The following NTM variants were observed in gnomAD, a reference collection of about 807,000 sequenced individuals.
The protein encoded by NTM is IgLON family member 2.
Under a neutral mutation model 42.1 loss-of-function variants are expected in NTM, and 13 were observed. The ratio of observed to expected loss-of-function variants is 0.31; its 90% CI spans 0.20 to 0.49. The LOEUF (loss-of-function observed/expected upper bound fraction) is 0.49. Ranked by LOEUF, NTM falls within the 20% of genes least tolerant of loss-of-function variation. The pLI, the probability that NTM is intolerant of heterozygous loss-of-function variation, is 0.99. For missense variants in NTM, 373 were observed against 452.8 expected, an observed-to-expected ratio of 0.82 and a Z score of 1.60; for synonymous variants, 187 against 179.2, an observed-to-expected ratio of 1.04 and a Z score of -0.35.
intron 1 of NTM, among the ~76,000 whole-genome samples, chr11:131,453,998 C>T (rs1038723466): frequency 2.0e-5 from 3 of 152,198 alleles, no homozygotes; most frequent in Admixed American, 6.5e-5. Context: ...CATCAAACAT[C>T]GCTCCCAGTC....
intron 3 of NTM, among the ~76,000 whole-genome samples, chr11:132,203,454 C>T (rs1256920803): frequency 1.3e-5 from 2 of 152,108 alleles, no homozygotes; most frequent in Admixed American, 1.3e-4. Flanking sequence ...ACTTATACAG[C>T]TAGTAACTGT....
intron 1 of NTM, among the ~76,000 whole-genome samples, chr11:131,841,808 G>A (rs2044292769): frequency 6.6e-6 from 1 of 152,110 alleles, no homozygotes; most frequent in South Asian, 2.1e-4. Flanking sequence ...GAGGGATGGG[G>A]ATTACAGCTG....
intron 2 of NTM, among the ~76,000 whole-genome samples, chr11:131,944,976 G>A (rs1277697866): frequency 6.6e-6 from 1 of 152,166 alleles, no homozygotes; most frequent in Non-Finnish European, 1.5e-5. Context: ...ACCCAGCCTG[G>A]ATCTATTTGG....
chr11:131,665,160 T>G (rs1428925963), intron 1 of NTM, among the ~76,000 whole-genome samples: 7 of 152,198 alleles, frequency 4.6e-5, no homozygotes. Context: ...AGACAGCGGC[T>G]TCCTCTTACA....
chr11:132,226,617 A>G (rs2086349696), intron 4 of NTM, among the ~76,000 whole-genome samples: 1 of 152,140 alleles, frequency 6.6e-6, no homozygotes, highest in Non-Finnish European at 1.5e-5. Context: ...TCCTTAAAGA[A>G]TTACTTTAAC....
intron 7 of NTM, among the ~76,000 whole-genome samples, chr11:132,315,685 G>A (rs1179777608): frequency 2.6e-5 from 4 of 152,094 alleles, no homozygotes; most frequent in Non-Finnish European, 4.4e-5. Flanking sequence ...CGGTGCTAGC[G>A]TATGTGGCTT....
Position 131,832,221 on chromosome 11 carries a change from C to T in NTM, c.83-79343C>T, listed in dbSNP as rs559582444. On this transcript the variant is annotated intron_variant, in intron 1 of 8. Transcript: ENST00000683400. The stretch of plus-strand genomic sequence containing the variant: ...AAAAAAAACAGAGTTCATATGTATG[C>T]GTGATGCTTCCTCTTCTCACTCATG... Among the ~76,000 whole-genome samples, 355 of 150,242 alleles carry T rather than the reference C, an allele frequency of 2.4e-3. 1 individual carries two copies. Among genetic ancestry groups the T allele is most frequent in the Middle Eastern group, 0.01 (3 of 288 alleles).
At chr11:131,619,111 G>A (rs980237685) in intron 1 of NTM, among the ~76,000 whole-genome samples, 2 of 152,206 alleles carry the variant, frequency 1.3e-5, no homozygotes, top group Admixed American at 6.5e-5. Flanking sequence ...TGGAGTTTCT[G>A]AGATGCAGTA....
At chr11:132,180,955 C>G (rs528515957) in intron 3 of NTM, among the ~76,000 whole-genome samples, 1 of 152,112 alleles carries the variant, frequency 6.6e-6, no homozygotes, top group African/African-American at 2.4e-5. Flanking sequence ...AGTTCATCAT[C>G]ATGTATGTAA....
intron 1 of NTM, among the ~76,000 whole-genome samples, chr11:131,569,830 C>G (rs923387711): frequency 1.3e-5 from 2 of 152,156 alleles, no homozygotes; most frequent in Non-Finnish European, 2.9e-5. Flanking sequence ...ATTCTCCCAC[C>G]ACAGCTTCCC....
intron 1 of NTM, among the ~76,000 whole-genome samples, chr11:131,703,407 A>G (rs1565446596): frequency 6.6e-6 from 1 of 152,246 alleles, no homozygotes; most frequent in Non-Finnish European, 1.5e-5. Context: ...ATAAATATAC[A>G]TCAGGATTTT....
intron 1 of NTM, among the ~76,000 whole-genome samples, chr11:131,527,086 G>T (rs1462038747): frequency 6.6e-6 from 1 of 152,166 alleles, no homozygotes; most frequent in Non-Finnish European, 1.5e-5. Context: ...CCCAGCCAGT[G>T]CATCAAATCT....
chr11:132,124,145 G>T (rs1432718440), intron 2 of NTM, among the ~76,000 whole-genome samples: 1 of 152,118 alleles, frequency 6.6e-6, no homozygotes, highest in Non-Finnish European at 1.5e-5. Flanking sequence ...ATCAATAAAC[G>T]TTAGTCAGGG....
chr11:131,652,328 C>T (rs188210870), intron 1 of NTM, among the ~76,000 whole-genome samples: 185 of 152,234 alleles, frequency 1.2e-3, no homozygotes, highest in Admixed American at 1.8e-3. Flanking sequence ...GATGAGGCTT[C>T]CTTGGCAACC....
At chr11:131,901,282 T>A (rs1276095909) in intron 1 of NTM, among the ~76,000 whole-genome samples, 1 of 152,208 alleles carries the variant, frequency 6.6e-6, no homozygotes. Context: ...CCAGCATTCA[T>A]GCCCAATCCC....
At chr11:131,461,640 G>T (rs1205696650) in intron 1 of NTM, among the ~76,000 whole-genome samples, 1 of 152,078 alleles carries the variant, frequency 6.6e-6, no homozygotes, top group Non-Finnish European at 1.5e-5. Context: ...AGTAACTATG[G>T]TTAATAATAA....
intron 1 of NTM, among the ~76,000 whole-genome samples, chr11:131,444,531 A>T (rs903287025): frequency 1.3e-5 from 2 of 152,176 alleles, no homozygotes; most frequent in Non-Finnish European, 2.9e-5. Flanking sequence ...GAAAGAGATC[A>T]TGGACTATGT....
chr11:131,375,077 G>T (rs767687856), intron 1 of NTM, among the ~76,000 whole-genome samples: 2 of 152,174 alleles, frequency 1.3e-5, no homozygotes, highest in Non-Finnish European at 1.5e-5. Context: ...CCCAATATGC[G>T]TGGTCTCCAG....
chr11:131,491,321 A>G (rs1954764071), intron 1 of NTM, among the ~76,000 whole-genome samples: 1 of 152,154 alleles, frequency 6.6e-6, no homozygotes, highest in South Asian at 2.1e-4. Context: ...TAAAAAGTAT[A>G]TAGCTAAGAA....
Sources: allele counts gnomAD v4.1 joint callset (sites outside exome capture counted in the v4.1 genomes callset), GRCh38; gene constraint gnomAD v4.1.1; transcripts MANE v1.5; gene names NCBI Gene and HGNC (gene_info 2026-07-23, HGNC 2026-07-21).